GOLGA7B: variants seen among roughly 807,000 people sequenced by gnomAD.
The protein encoded by GOLGA7B is golgin A7 family member B, also known as golgin subfamily A member 7B.
A neutral mutation model predicts 21.5 loss-of-function variants in GOLGA7B; 17 were observed. The ratio of observed to expected loss-of-function variants is 0.79; its 90% CI spans 0.54 to 1.19. The LOEUF is 1.19. Ranked by LOEUF, GOLGA7B falls within the 50% of genes most tolerant of loss-of-function variation. GOLGA7B has a pLI of 0.00. For missense variants in GOLGA7B, 169 were observed against 224.4 expected (o/e 0.75, Z 1.58); for synonymous variants, 87 against 84.0 (o/e 1.04, Z -0.19).
Position 97,865,717 on chromosome 10 carries a change from G to A in GOLGA7B, c.*17G>A, listed in dbSNP as rs1193368575. On this transcript the variant is annotated 3_prime_UTR_variant, in exon 5 of 5. Transcript: ENST00000370602. ...GCCCGGTGACTGGCCGAGAGTCCCT[G>A]TAGGGAGGTGTATGGCCGGAGTGAG... is the stretch of plus-strand genomic sequence containing the variant. 6.3e-7 allele frequency: 1 copy of A among 1,593,332 alleles called. No individual in the cohort carries two copies. The highest frequency in any genetic ancestry group is 1.1e-5 in the South Asian group (1 of 88,944).
At position 97,865,768 on chromosome 10, in the gene GOLGA7B, G is replaced by C; in HGVS notation, c.*68G>C. Reference sequence around the variant, plus strand: ...GGCCTTGCAGACCTGCGGCGGCTGCGCTACCAGAGCACCCGCTTCTGAGTC... The same window carrying C: ...GGCCTTGCAGACCTGCGGCGGCTGCCCTACCAGAGCACCCGCTTCTGAGTC... On this transcript the variant is annotated 3_prime_UTR_variant, in exon 5 of 5. Coordinates refer to ENST00000370602, the MANE Select transcript of GOLGA7B (RefSeq NM_001010917.3). 6.0e-6 allele frequency: 9 copies of C among 1,496,200 alleles called. No homozygotes were observed. In the South Asian group the frequency reaches 9.1e-5, roughly 15 times the overall value. The allele number at this position is 1,496,200 out of a possible 1,614,324, so 92.7% of individuals were successfully genotyped here.
At chr10:97,850,425 G>C in intron 1 of GOLGA7B, 110 bp downstream of exon 1, 2 of 910,706 alleles carry the variant, frequency 2.2e-6, no homozygotes, top group Non-Finnish European at 3.2e-6. Flanking sequence ...GGGATGGGGT[G>C]ATTCCCCAGG....
At chr10:97,862,584 C>G (rs1051860908) in intron 2 of GOLGA7B, among the ~76,000 whole-genome samples, 6 of 152,076 alleles carry the variant, frequency 3.9e-5, no homozygotes, top group Non-Finnish European at 8.8e-5. Flanking sequence ...TCTTCATCCT[C>G]GTCATCTTCA....
Position 97,871,262 on chromosome 10 carries a change from G to A in GOLGA7B, c.*5562G>A, listed in dbSNP as rs1262274594. ...GGATCCTGGAGCTGCGTCGGGTTTT[G>A]AATCAGGGACAATGGAGGAAGTGGG... On this transcript the variant is annotated 3_prime_UTR_variant, in exon 5 of 5. Transcript: ENST00000370602. 1 of 152,192 alleles carries A rather than the reference G, an allele frequency of 6.6e-6. No individual in the cohort carries two copies. The highest frequency in any genetic ancestry group is 1.5e-5 in the Non-Finnish European group (1 of 68,044). 9.4% of individuals were successfully genotyped at this position (152,192 alleles called of 1,614,324 possible).
At position 97,859,578 on chromosome 10, in the gene GOLGA7B, A is replaced by G; in HGVS notation, c.133A>G (p.Ser45Gly). 1 of 1,613,818 alleles carries G rather than the reference A, an allele frequency of 6.2e-7. No individual in the cohort carries two copies. Among genetic ancestry groups the G allele is most frequent in the Admixed American group, 1.7e-5 (1 of 59,984 alleles). The change falls in exon 2 of 5, where the codon AGC becomes GGC. Residue 45 changes from serine to glycine, a missense_variant. Physicochemically the swap from Ser to Gly is moderately conservative, Grantham distance 56 (BLOSUM62 0). Coordinates refer to ENST00000370602, the MANE Select transcript of GOLGA7B (RefSeq NM_001010917.3). Reference protein sequence around the residue: ...FQTKFPPELDSRIERQLFEET... With the variant: ...FQTKFPPELDGRIERQLFEET... ...GACCAAATTCCCCCCAGAGCTGGAC[A>G]GCCGGGTAAGGATGCCTTTTTCTGC...
At position 97,865,586 on chromosome 10, in the gene GOLGA7B, C is replaced by G. The variant is rs911217411; in HGVS notation, c.394-4C>G. The stretch of plus-strand genomic sequence containing the variant: ...TCGCAGCTCTCCTTAACCACCGACC[C>G]CAGATTGAGATCTCCATCTACGAGG... On this transcript the variant is annotated splice_polypyrimidine_tract_variant and splice_region_variant and intron_variant, in intron 4 of 4. Coordinates refer to ENST00000370602, the MANE Select transcript of GOLGA7B (RefSeq NM_001010917.3). 1 of 1,613,076 alleles carries G rather than the reference C, an allele frequency of 6.2e-7. No individual in the cohort carries two copies. Among genetic ancestry groups the G allele is most frequent in the Admixed American group, 1.7e-5 (1 of 59,986 alleles).
intron 2 of GOLGA7B, among the ~76,000 whole-genome samples, chr10:97,861,888 C>G (rs1029588234): frequency 4.6e-5 from 7 of 152,336 alleles, no homozygotes; most frequent in Admixed American, 1.3e-4. Context: ...AGGATTTTCT[C>G]TATGAGTTCT....
rs2136525590 is a variant in GOLGA7B at position 97,869,018 on chromosome 10, A to G, written c.*3318A>G. 6.6e-6 allele frequency: 1 copy of G among 152,372 alleles called. No homozygotes were observed. The highest frequency in any genetic ancestry group is 2.1e-4 in the South Asian group (1 of 4,824). 9.4% of individuals were successfully genotyped at this position (152,372 alleles called of 1,614,324 possible). On this transcript the variant is annotated 3_prime_UTR_variant, in exon 5 of 5. Coordinates refer to ENST00000370602, the MANE Select transcript of GOLGA7B (RefSeq NM_001010917.3). ...AACTGAGGCTCATGGACGTTAAGTAACTGGGAAATTGCAGATCTTGGCTTT... is the reference window on the plus strand; with the variant it reads ...AACTGAGGCTCATGGACGTTAAGTAGCTGGGAAATTGCAGATCTTGGCTTT...
intron 2 of GOLGA7B, among the ~76,000 whole-genome samples, chr10:97,859,870 T>C (rs936599231): frequency 2.6e-5 from 4 of 152,220 alleles, no homozygotes; most frequent in African/African-American, 9.6e-5. Flanking sequence ...GTTAAACAAA[T>C]GGAAATTCCT....
intron 2 of GOLGA7B, among the ~76,000 whole-genome samples, chr10:97,863,220 C>T (rs1174962349): frequency 6.6e-6 from 1 of 152,210 alleles, no homozygotes; most frequent in African/African-American, 2.4e-5. Context: ...GACCACAGAG[C>T]AGTCCTCACC....
intron 1 of GOLGA7B, among the ~76,000 whole-genome samples, chr10:97,858,353 A>G (rs577033149): frequency 6.6e-6 from 1 of 152,322 alleles, no homozygotes; most frequent in African/African-American, 2.4e-5. Context: ...GAGACTCAAT[A>G]AATGAGAGCT....
chr10:97,861,821 AC>A (rs2049972797), intron 2 of GOLGA7B, among the ~76,000 whole-genome samples: 1 of 152,016 alleles, frequency 6.6e-6, no homozygotes, highest in African/African-American at 2.4e-5. Context: ...GGGCGGGGTG[AC>A]CCCCAGGGTG....
In GOLGA7B at chr10:97,867,549, G is replaced by A. The variant is rs769372523; in HGVS notation, c.*1849G>A. On this transcript the variant is annotated 3_prime_UTR_variant, in exon 5 of 5. Transcript: ENST00000370602. Reference sequence around the variant, plus strand: ...AAGTCCTCGGCCCAAGTGAGTCCTGGTCCAAGGATCCCCCTGGAGAGCCGC... The same window carrying A: ...AAGTCCTCGGCCCAAGTGAGTCCTGATCCAAGGATCCCCCTGGAGAGCCGC... 1.3e-5 allele frequency: 2 copies of A among 152,328 alleles called. No homozygotes were observed. The highest frequency in any genetic ancestry group is 2.9e-5 in the Non-Finnish European group (2 of 68,166). The allele number at this position is 152,328 out of a possible 1,614,324, so 9.4% of individuals were successfully genotyped here.
chr10:97,854,678 T>G (rs2049924349), intron 1 of GOLGA7B, among the ~76,000 whole-genome samples: 1 of 152,208 alleles, frequency 6.6e-6, no homozygotes, highest in Non-Finnish European at 1.5e-5. Context: ...GGGTGTTGAC[T>G]TATCCTACTC....
chr10:97,852,741 G>A (rs1305561408), intron 1 of GOLGA7B, among the ~76,000 whole-genome samples: 1 of 151,988 alleles, frequency 6.6e-6, no homozygotes, highest in Non-Finnish European at 1.5e-5. Context: ...GAGGGGTGAG[G>A]GAGAGGGAAG....
chr10:97,853,816 C>G (rs1003264259), intron 1 of GOLGA7B, among the ~76,000 whole-genome samples: 14 of 152,198 alleles, frequency 9.2e-5, no homozygotes, highest in Non-Finnish European at 7.3e-5. Flanking sequence ...ACCCCACCAG[C>G]TTTCTGAAAA....
chr10:97,860,522 A>G (rs562063474), intron 2 of GOLGA7B, among the ~76,000 whole-genome samples: 2 of 152,158 alleles, frequency 1.3e-5, no homozygotes, highest in African/African-American at 4.8e-5. Context: ...TGGCTAATTT[A>G]TTGTAATTTT....
At position 97,859,532 on chromosome 10, in the gene GOLGA7B, T is replaced by C. The variant is rs200347657; in HGVS notation, c.87T>C (p.Asp29=). 3.1e-6 allele frequency: 5 copies of C among 1,614,048 alleles called. No individual in the cohort carries two copies. Among genetic ancestry groups the C allele is most frequent in the Admixed American group, 3.3e-5 (2 of 60,010 alleles). ...TCTTTATCCAGAGAGACTACAGCGA[T>C]GGGACCATCTGTCAGTTCCAGACCA... is the stretch of plus-strand genomic sequence containing the variant. The part of the protein sequence containing the change: ...TKVFIQRDYS[D]GTICQFQTKF... The change falls in exon 2 of 5, where the codon GAT becomes GAC. Residue 29 remains aspartate, a synonymous_variant. Transcript: ENST00000370602.
In GOLGA7B at chr10:97,864,286, T is replaced by C; in HGVS notation, c.393+17T>C. 2.5e-6 allele frequency: 4 copies of C among 1,606,252 alleles called. No homozygotes were observed. Among genetic ancestry groups the C allele is most frequent in the Non-Finnish European group, 3.4e-6 (4 of 1,172,860 alleles). On this transcript the variant is annotated intron_variant, in intron 4 of 4. Coordinates refer to ENST00000370602, the MANE Select transcript of GOLGA7B (RefSeq NM_001010917.3). ...ATGAGGGTTGTATCCTTCTGGGCTATTCTGTGTTGAGGGCACAGGACTGCT... is the reference window on the plus strand; with the variant it reads ...ATGAGGGTTGTATCCTTCTGGGCTACTCTGTGTTGAGGGCACAGGACTGCT...
Sources: gnomAD v4.1 joint callset for allele counts (sites outside exome capture counted in the v4.1 genomes callset) on GRCh38, gnomAD v4.1.1 for gene constraint, MANE v1.5 for transcripts, NCBI Gene and HGNC (gene_info 2026-07-23, HGNC 2026-07-21) for gene names.